The following PDE11A variants were observed in gnomAD, a reference collection of about 807,000 sequenced individuals.
PDE11A encodes phosphodiesterase 11A.
A neutral mutation model predicts 100.5 loss-of-function variants in PDE11A; 100 were observed. The observed-to-expected ratio is 1.00, with a 90% confidence interval of 0.85 to 1.18. The LOEUF (loss-of-function observed/expected upper bound fraction) is 1.18, where lower values mean the gene tolerates loss of function less well. Ranked by LOEUF, PDE11A falls within the 50% of genes most tolerant of loss-of-function variation. The pLI is 0.00. For synonymous variants in PDE11A, 381 were observed against 420.8 expected, an observed-to-expected ratio of 0.91 and a Z score of 1.16; for missense variants, 1,141 against 1,152.6, an observed-to-expected ratio of 0.99 and a Z score of 0.15.
intron 2 of PDE11A, among the ~76,000 whole-genome samples, chr2:177,983,245 G>C (rs2085904001): frequency 6.6e-6 from 1 of 151,652 alleles, no homozygotes; most frequent in Non-Finnish European, 1.5e-5. Flanking sequence ...TCTTTACCTT[G>C]GTTTTCTAAA....
intron 1 of PDE11A, among the ~76,000 whole-genome samples, chr2:178,044,249 A>AT (rs1316149067): frequency 6.6e-6 from 1 of 151,760 alleles, no homozygotes; most frequent in Non-Finnish European, 1.5e-5. Flanking sequence ...TCTTTCAAAT[A>AT]TTTTTTCCAG....
At chr2:177,833,348 A>T (rs1311487758) in intron 6 of PDE11A, among the ~76,000 whole-genome samples, 1 of 152,190 alleles carries the variant, frequency 6.6e-6, no homozygotes, top group Non-Finnish European at 1.5e-5. Context: ...TCAGCTCTTG[A>T]GCACAGCAGA....
At chr2:177,956,803 C>T (rs554529755) in intron 2 of PDE11A, among the ~76,000 whole-genome samples, 18 of 143,382 alleles carry the variant, frequency 1.3e-4, no homozygotes, top group South Asian at 1.1e-3. Flanking sequence ...AGCAAACTAT[C>T]GCAAGGACAA....
intron 4 of PDE11A, among the ~76,000 whole-genome samples, chr2:177,887,653 C>T (rs2084459859): frequency 6.6e-6 from 1 of 152,020 alleles, no homozygotes; most frequent in Non-Finnish European, 1.5e-5. Context: ...ACTTGAGAGG[C>T]TGAGGTGGGA....
intron 9 of PDE11A, among the ~76,000 whole-genome samples, chr2:177,809,097 C>T (rs1031282651): frequency 2.6e-5 from 4 of 152,116 alleles, no homozygotes; most frequent in African/African-American, 9.7e-5. Flanking sequence ...GCAGTTGCCA[C>T]AGGCTGAAGA....
intron 4 of PDE11A, among the ~76,000 whole-genome samples, chr2:177,894,485 A>G (rs1167350831): frequency 6.6e-6 from 1 of 152,188 alleles, no homozygotes; most frequent in Non-Finnish European, 1.5e-5. Context: ...CTAACTGAAC[A>G]GACCCCCTCT....
At chr2:177,998,657 A>G in intron 2 of PDE11A, 1 of 1,244,720 alleles carries the variant, frequency 8.0e-7, no homozygotes, top group Non-Finnish European at 1.2e-6. Context: ...TTTCCTTAGT[A>G]CCACCTTTCA....
At chr2:177,960,416 ATTAT>A (rs2085617473) in intron 2 of PDE11A, among the ~76,000 whole-genome samples, 1 of 152,146 alleles carries the variant, frequency 6.6e-6, no homozygotes, top group African/African-American at 2.4e-5. Flanking sequence ...AATGGTTTTC[ATTAT>A]TTATGAGTAT....
chr2:178,071,773 C>G lies in PDE11A; in HGVS notation c.665G>C (p.Ser222Thr), dbSNP rs78860696. 1.5e-4 allele frequency: 234 copies of G among 1,613,704 alleles called. No individual in the cohort carries two copies. Among genetic ancestry groups the G allele is most frequent in the Non-Finnish European group, 1.8e-4 (214 of 1,179,598 alleles). Residue 222 changes from serine (S) to threonine (T), a missense_variant, in exon 1 of 20, where the codon AGC becomes ACC. Coordinates refer to ENST00000286063, the MANE Select transcript of PDE11A (RefSeq NM_016953.4). Reference sequence around the variant, plus strand: ...GCAGACAAAGATGAGAATCTTGTAGCTCAGGCTGGTGAGGTCAAGGTCATT... The same window carrying G: ...GCAGACAAAGATGAGAATCTTGTAGGTCAGGCTGGTGAGGTCAAGGTCATT... The part of the protein sequence containing the change: ...ISNDLDLTSL[S>T]YKILIFVCLM...
chr2:177,971,554 C>T (rs374962213), intron 2 of PDE11A, among the ~76,000 whole-genome samples: 2 of 152,186 alleles, frequency 1.3e-5, no homozygotes, highest in African/African-American at 4.8e-5. Flanking sequence ...ACTGAAATAA[C>T]TGACTAAAAC....
chr2:177,629,174 T>G lies in PDE11A; in HGVS notation c.*233A>C, dbSNP rs112698654. ...CTTCATTTCAGCCCATGCGTGTTCA[T>G]TAGGGAAAAGTGAGGGTCCTGGGGT... On this transcript the variant is annotated 3_prime_UTR_variant, in exon 20 of 20. Transcript: ENST00000286063. 183 of 556,606 alleles carry G rather than the reference T, an allele frequency of 3.3e-4. 3 individuals are homozygous for G. Among genetic ancestry groups the G allele is most frequent in the African/African-American group, 2.9e-3 (152 of 53,188 alleles). The allele number at this position is 556,606 out of a possible 1,614,324, so 34.5% of individuals were successfully genotyped here. A position where few individuals can be genotyped will look rare whatever the true frequency, so the allele number is the denominator to read the frequency against.
chr2:177,992,959 AGAT>A (rs1458584535), intron 2 of PDE11A, among the ~76,000 whole-genome samples: 1 of 152,118 alleles, frequency 6.6e-6, no homozygotes, highest in Non-Finnish European at 1.5e-5. Context: ...TGAAATATAT[AGAT>A]GATTCTCCGC....
chr2:177,842,583 G>A (rs536987454), intron 5 of PDE11A, among the ~76,000 whole-genome samples: 74 of 152,322 alleles, frequency 4.9e-4, no homozygotes, highest in African/African-American at 1.8e-3. Flanking sequence ...CGTGGTTTAA[G>A]ATGTGATTTT....
chr2:177,742,838 G>A (rs1023136540), intron 10 of PDE11A, among the ~76,000 whole-genome samples: 7 of 152,332 alleles, frequency 4.6e-5, no homozygotes, highest in African/African-American at 1.7e-4. Context: ...ATTTCCAAAG[G>A]TCAGTAGAGG....
chr2:178,078,698 T>C (rs896178758), intron 2 of PDE11A, among the ~76,000 whole-genome samples: 7 of 152,194 alleles, frequency 4.6e-5, no homozygotes, highest in African/African-American at 1.7e-4. Context: ...ATAAAAAAGT[T>C]GGTTGGTTTT....
intron 15 of PDE11A, among the ~76,000 whole-genome samples, chr2:177,690,343 T>C (rs2081024479): frequency 6.6e-6 from 1 of 152,206 alleles, no homozygotes; most frequent in Admixed American, 6.5e-5. Flanking sequence ...TTATTACTAA[T>C]CAGTTTACTT....
At chr2:177,883,721 G>T (rs1310349174) in intron 4 of PDE11A, among the ~76,000 whole-genome samples, 4 of 152,188 alleles carry the variant, frequency 2.6e-5, no homozygotes, top group Non-Finnish European at 5.9e-5. Flanking sequence ...ATAGAAGTGT[G>T]GGTAGGGTGA....
intron 18 of PDE11A, among the ~76,000 whole-genome samples, chr2:177,665,197 T>C (rs2080550952): frequency 6.6e-6 from 1 of 151,674 alleles, no homozygotes; most frequent in African/African-American, 2.4e-5. Context: ...TAGAGCTGGC[T>C]GCGGTGGCTC....
intron 15 of PDE11A, among the ~76,000 whole-genome samples, chr2:177,685,859 G>A (rs2080940774): frequency 6.6e-6 from 1 of 152,144 alleles, no homozygotes; most frequent in South Asian, 2.1e-4. Context: ...GAGCCATCGT[G>A]CTGGCCCAAA....
Sources: allele counts gnomAD v4.1 joint callset (sites outside exome capture counted in the v4.1 genomes callset), GRCh38; gene constraint gnomAD v4.1.1; transcripts MANE v1.5; gene names NCBI Gene and HGNC (gene_info 2026-07-23, HGNC 2026-07-21).